Variants in PAOX observed in about 807,000 individuals in gnomAD.
The protein encoded by PAOX is peroxisomal N(1)-acetyl-spermine/spermidine oxidase.
A neutral mutation model predicts 39.0 loss-of-function variants in PAOX; 38 were observed. The observed-to-expected ratio is 0.97, with a 90% CI of 0.75 to 1.28. PAOX has a LOEUF of 1.28. Ranked by LOEUF, PAOX falls within the 50% of genes most tolerant of loss-of-function variation. The pLI, the probability that PAOX is intolerant of heterozygous loss-of-function variation, is 0.00. For missense variants in PAOX, 667 were observed against 685.7 expected (o/e 0.97, Z 0.30); for synonymous variants, 311 against 314.4 (o/e 0.99, Z 0.11).
intron 3 of PAOX, among the ~76,000 whole-genome samples, chr10:133,382,418 C>A (rs1329419663): frequency 1.3e-5 from 2 of 152,212 alleles, no homozygotes; most frequent in Non-Finnish European, 2.9e-5. Context: ...GCTTTGCCCT[C>A]CCCGGGGCAG....
intron 6 of PAOX, 136 bp downstream of exon 6, chr10:133,389,883 A>G: frequency 2.0e-6 from 2 of 1,020,220 alleles, no homozygotes; most frequent in East Asian, 3.1e-5. Flanking sequence ...TTTTGAAACT[A>G]AGAATAATTT....
At chr10:133,381,763 A>G in intron 3 of PAOX, 104 bp downstream of exon 3, 9 of 1,208,222 alleles carry the variant, frequency 7.4e-6, no homozygotes, top group Non-Finnish European at 1.1e-5. Context: ...CGAAGCTCAC[A>G]TTTTCGTTCT....
chr10:133,379,542 G>T, intron 1 of PAOX, 45 bp downstream of exon 1: 2 of 1,217,958 alleles, frequency 1.6e-6, no homozygotes, highest in South Asian at 8.5e-5. Context: ...AACCGGCTGC[G>T]CCCGAACTCG....
intron 6 of PAOX, among the ~76,000 whole-genome samples, chr10:133,390,431 CACACACA>C (rs1165122164): frequency 6.6e-6 from 1 of 151,800 alleles, no homozygotes; most frequent in East Asian, 1.9e-4. Flanking sequence ...CACACACACA[CACACACA>C]CACACACAAG....
chr10:133,384,209 T>C lies in PAOX; in HGVS notation c.1118T>C (p.Phe373Ser), dbSNP rs376396661. 2 of 1,612,698 alleles carry C rather than the reference T, an allele frequency of 1.2e-6. No individual in the cohort carries two copies. The highest frequency in any genetic ancestry group is 2.7e-5 in the African/African-American group (2 of 74,902). Residue 373 changes from phenylalanine (F) to serine (S), a missense_variant, in exon 4 of 7, where the codon TTT becomes TCT. Transcript: ENST00000278060. The surrounding 1 kb of genome is among the most constrained non-coding windows in gnomAD (Gnocchi z 4.3). ...KLIGFVVLPA[F>S]ASVHVLCGFI... is the part of the protein sequence containing the mutation. Reference sequence around the variant, plus strand: ...ATTGGCTTTGTGGTCCTGCCTGCCTTTGCGTACGTTTGCTCCCTGAGAAGT... The same window carrying C: ...ATTGGCTTTGTGGTCCTGCCTGCCTCTGCGTACGTTTGCTCCCTGAGAAGT...
rs969622977 is a variant in PAOX at position 133,384,282 on chromosome 10, AGT to A, written c.1121+75_1121+76del. On this transcript the variant is annotated intron_variant, in intron 4 of 6. Transcript: ENST00000278060. This position sits in a 1 kb window ranked among gnomAD's most constrained non-coding sequence, Gnocchi z 4.3. ...GCCTTCATCTGATGGAGGACGCAGC[AGT>A]GTGTCTGTTCACTGCAGGGTATTTC... 2.5e-6 allele frequency: 4 copies of A among 1,575,284 alleles called. No homozygotes were observed. Among genetic ancestry groups the A allele is most frequent in the Non-Finnish European group, 3.5e-6 (4 of 1,157,908 alleles).
At chr10:133,391,155 G>A (rs1849670217) in intron 6 of PAOX, 157 bp from the exon 7 acceptor site, 2 of 746,108 alleles carry the variant, frequency 2.7e-6, no homozygotes, top group East Asian at 5.3e-5. Flanking sequence ...CTGGCTATTG[G>A]TGGGTACACG....
chr10:133,379,616 A>T (rs1225721469), intron 1 of PAOX, 119 bp downstream of exon 1: 2 of 845,144 alleles, frequency 2.4e-6, no homozygotes, highest in Non-Finnish European at 3.1e-6. Context: ...TCCCCGAGGG[A>T]ATCCCCGCTC....
Position 133,389,763 on chromosome 10 carries a change from CA to C in PAOX, c.1392+17del. On this transcript the variant is annotated intron_variant, in intron 6 of 6. Coordinates refer to ENST00000278060, the MANE Select transcript of PAOX (RefSeq NM_152911.4). Reference sequence around the variant, plus strand: ...CGGCGCCCAGGTATGTGGCGTGCCCCAGTCGGGGGGCGTGGGTCCCGCTGCA... The same window carrying C: ...CGGCGCCCAGGTATGTGGCGTGCCCCGTCGGGGGGCGTGGGTCCCGCTGCA... 1 of 1,471,100 alleles carries C rather than the reference CA, an allele frequency of 6.8e-7. No individual in the cohort carries two copies. The highest frequency in any genetic ancestry group is 9.0e-7 in the Non-Finnish European group (1 of 1,112,486). 91.1% of individuals were successfully genotyped at this position (1,471,100 alleles called of 1,614,324 possible).
rs986843812 is a variant in PAOX, at chr10:133,388,888, C to G, written c.1122-68C>G. On this transcript the variant is annotated intron_variant, in intron 4 of 6. Coordinates refer to ENST00000278060, the MANE Select transcript of PAOX (RefSeq NM_152911.4). ...CAGGGCTCTCTTTCTCCATGCAGGT[C>G]TGGTCATCCCAGGGCTCTCTTTCTC... The G allele has an allele frequency of 1.4e-5, 10 of 691,190 alleles. No homozygotes were observed. The African/African-American group carries it at 1.8e-4, about 12-fold the overall frequency. The allele number at this position is 691,190 out of a possible 1,614,324, so 42.8% of individuals were successfully genotyped here.
At chr10:133,389,239 G>A (rs1849605163) in intron 5 of PAOX, among the ~76,000 whole-genome samples, 171 bp downstream of exon 5, 2 of 152,238 alleles carry the variant, frequency 1.3e-5, no homozygotes, top group Admixed American at 1.3e-4. Context: ...TTACCTCCGA[G>A]GAACTGAAAT....
rs1388114967 is a variant in PAOX, at chr10:133,391,466, C to T, written c.*11C>T. ...AGGCCCAGGCTCTAGCTGGGCCCAG[C>T]CTACTCTGTTCCACCCGTGTCGGGG... On this transcript the variant is annotated 3_prime_UTR_variant, in exon 7 of 7. Transcript: ENST00000278060. 6.2e-7 allele frequency: 1 copy of T among 1,609,418 alleles called. No homozygotes were observed. The highest frequency in any genetic ancestry group is 8.5e-7 in the Non-Finnish European group (1 of 1,177,952).
rs575008274 is a variant in PAOX, at chr10:133,384,742, G to T, written c.1121+530G>T. 5.9e-5 allele frequency among the ~76,000 whole-genome samples: 9 copies of T among 152,348 alleles called. No individual in the cohort carries two copies. In the East Asian group the frequency reaches 1.7e-3, roughly 29 times the overall value. Reference sequence around the variant, plus strand: ...TGAGTGATGTGGGGATGGAGGGACTGACTTTTCCAGCAAGATTAAAACACA... The same window carrying T: ...TGAGTGATGTGGGGATGGAGGGACTTACTTTTCCAGCAAGATTAAAACACA... On this transcript the variant is annotated intron_variant, in intron 4 of 6. Transcript: ENST00000278060. This position sits in a 1 kb window ranked among gnomAD's most constrained non-coding sequence, Gnocchi z 4.3.
At position 133,391,354 on chromosome 10, in the gene PAOX, T is replaced by C. The variant is rs1849676912; in HGVS notation, c.1435T>C (p.Tyr479His). The change falls in exon 7 of 7, where the codon TAC becomes CAC. Residue 479 changes from tyrosine (Y) to histidine (H), a missense_variant. By Grantham distance (83) the Tyr-to-His change is moderately conservative (BLOSUM62 2). Coordinates refer to ENST00000278060, the MANE Select transcript of PAOX (RefSeq NM_152911.4). The part of the protein sequence containing the change: ...FAGEATHRTF[Y>H]STTHGALLSG... ...GGGGGAAGCCACACATCGCACGTTT[T>C]ACTCCACGACGCACGGGGCTCTGCT... 4 of 1,613,428 alleles carry C rather than the reference T, an allele frequency of 2.5e-6. No individual in the cohort carries two copies. The highest frequency in any genetic ancestry group is 3.4e-6 in the Non-Finnish European group (4 of 1,180,024).
rs1849687035 is a variant in PAOX at position 133,391,589 on chromosome 10, C to T, written c.*134C>T. The T allele has an allele frequency of 7.7e-7, 1 of 1,306,210 alleles. No homozygotes were observed. Among genetic ancestry groups the T allele is most frequent in the Non-Finnish European group, 1.0e-6 (1 of 969,332 alleles). The allele number at this position is 1,306,210 out of a possible 1,614,324, so 80.9% of individuals were successfully genotyped here. On this transcript the variant is annotated 3_prime_UTR_variant, in exon 7 of 7. Coordinates refer to ENST00000278060, the MANE Select transcript of PAOX (RefSeq NM_152911.4). ...TCTGGTTTTTGGTAACCAGGGCCAC[C>T]TTCTCAGTTCTTGTGTCTGTTATTG...
At chr10:133,381,827 C>T (rs1564810755) in intron 3 of PAOX, among the ~76,000 whole-genome samples, 168 bp downstream of exon 3, 1 of 152,160 alleles carries the variant, frequency 6.6e-6, no homozygotes. Flanking sequence ...GTAGCAATTA[C>T]ATGCTTTGGA....
At position 133,389,577 on chromosome 10, in the gene PAOX, C is replaced by T; in HGVS notation, c.1235-13C>T. 6.2e-7 allele frequency: 1 copy of T among 1,613,934 alleles called. No homozygotes were observed. Among genetic ancestry groups the T allele is most frequent in the Non-Finnish European group, 8.5e-7 (1 of 1,180,002 alleles). The stretch of plus-strand genomic sequence containing the variant: ...AGAGTTCTCGGTTAACATGCAGTGT[C>T]TCTGTGGCTCAGGAAACCCACGGCT... On this transcript the variant is annotated splice_polypyrimidine_tract_variant and intron_variant, in intron 5 of 6. Transcript: ENST00000278060.
chr10:133,389,149 C>A, intron 5 of PAOX, 81 bp downstream of exon 5: 2 of 1,161,048 alleles, frequency 1.7e-6, no homozygotes, highest in Non-Finnish European at 2.6e-6. Flanking sequence ...CTTTGCAGAA[C>A]AGAGAAAAAC....
In PAOX at chr10:133,384,064, C is replaced by G; in HGVS notation, c.973C>G (p.Leu325Val). The change falls in exon 4 of 7, where the codon CTG (leucine) becomes GTG (valine). Residue 325 changes from leucine (L) to valine (V), a missense_variant. Leu to Val is a conservative substitution (Grantham distance 32). Transcript: ENST00000278060. This position sits in a 1 kb window ranked among gnomAD's most constrained non-coding sequence, Gnocchi z 4.3. ...IGFGTNNKIF[L>V]EFEEPFWEPD... ...CTTTGGGACCAACAACAAAATCTTC[C>G]TGGAGTTTGAGGAGCCCTTCTGGGA... 5 of 1,614,174 alleles carry G rather than the reference C, an allele frequency of 3.1e-6. No individual in the cohort carries two copies. In the Admixed American group the frequency reaches 8.3e-5, roughly 27 times the overall value.
Sources: gnomAD v4.1 joint callset for allele counts (sites outside exome capture counted in the v4.1 genomes callset) on GRCh38, gnomAD v4.1.1 for gene constraint, Gnocchi (gnomAD v3.1) non-coding constraint, MANE v1.5 for transcripts, NCBI Gene and HGNC (gene_info 2026-07-23, HGNC 2026-07-21) for gene names.